The following CEBPZ variants were observed in gnomAD, a reference collection of about 807,000 sequenced individuals.
CEBPZ encodes the protein CCAAT enhancer binding protein zeta, also known as CCAAT/enhancer-binding protein zeta.
In CEBPZ, 78 loss-of-function variants were observed where a neutral mutation model predicts 104.5. That is an observed-to-expected ratio of 0.75 (90% CI 0.62 to 0.90). The LOEUF is 0.90. Ranked by LOEUF, CEBPZ falls within the 40% of genes least tolerant of loss-of-function variation. CEBPZ has a pLI of 0.00. For synonymous variants in CEBPZ, 470 were observed against 427.0 expected, an observed-to-expected ratio of 1.10 and a Z score of -1.24; for missense variants, 1,439 against 1,233.5, an observed-to-expected ratio of 1.17 and a Z score of -2.50.
At chr2:37,213,801 G>A in intron 10 of CEBPZ, 63 bp downstream of exon 10, 2 of 1,092,340 alleles carry the variant, frequency 1.8e-6, no homozygotes, top group Non-Finnish European at 2.7e-6. Context: ...TCCCACTAAT[G>A]TTCCATGGTC....
intron 12 of CEBPZ, 51 bp from the exon 13 acceptor site, chr2:37,211,133 G>GA: frequency 8.4e-7 from 1 of 1,188,954 alleles, no homozygotes; most frequent in Non-Finnish European, 1.2e-6. Context: ...AATAAGACTG[G>GA]AAAATATTAC....
intron 10 of CEBPZ, chr2:37,213,419 G>GT (rs1032800366): frequency 0.014 from 2,078 of 148,030 alleles, 44 homozygotes; most frequent in African/African-American, 0.046. Context: ...TGTTTCTTTT[G>GT]TTTTTTTTTT....
chr2:37,202,110 G>T, intron 15 of CEBPZ: 2 of 331,572 alleles, frequency 6.0e-6, no homozygotes, highest in Non-Finnish European at 1.1e-5. Context: ...ACTAAGGAAG[G>T]AAAAGAAACA....
In CEBPZ at chr2:37,228,125, A is replaced by G. The variant is rs754495990; in HGVS notation, c.1068T>C (p.Asp356=). ...FVQVLETLSH[D]TLVTTKTRAL... ...CTCGAGTTTTAGTGGTTACTAATGTATCATGACTTAAAGTTTCTAAGACCT... is the reference window on the plus strand; with the variant it reads ...CTCGAGTTTTAGTGGTTACTAATGTGTCATGACTTAAAGTTTCTAAGACCT... Residue 356 remains aspartate, a synonymous_variant, in exon 2 of 16, where the codon GAT becomes GAC. Transcript: ENST00000234170. 3 of 1,614,130 alleles carry G rather than the reference A, an allele frequency of 1.9e-6. No homozygotes were observed. Among genetic ancestry groups the G allele is most frequent in the African/African-American group, 1.3e-5 (1 of 74,940 alleles).
In CEBPZ at chr2:37,212,025, C is replaced by T; in HGVS notation, c.2618G>A (p.Arg873Lys). The T allele has an allele frequency of 1.9e-6, 3 of 1,580,486 alleles. No individual in the cohort carries two copies. The highest frequency in any genetic ancestry group is 2.6e-6 in the Non-Finnish European group (3 of 1,170,018). Reference protein sequence around the residue: ...DMDFAGNVKKRTKGAKDNTLD... With the variant: ...DMDFAGNVKKKTKGAKDNTLD... ...TGTGTTATCCTTAGCTCCTTTTGTT[C>T]TCTTTTTCACGTTTCTGGAAAAAAA... is the stretch of plus-strand genomic sequence containing the variant. The change falls in exon 12 of 16, where the codon AGA becomes AAA. Residue 873 changes from arginine (R) to lysine (K), a missense_variant. By Grantham distance (26) the Arg-to-Lys change is conservative. Transcript: ENST00000234170.
intron 13 of CEBPZ, among the ~76,000 whole-genome samples, chr2:37,205,760 T>C (rs573356417): frequency 7.9e-5 from 12 of 152,364 alleles, no homozygotes; most frequent in Admixed American, 2.6e-4. Flanking sequence ...TACATTTTTA[T>C]CAAAAATCTT....
intron 9 of CEBPZ, 57 bp from the exon 10 acceptor site, chr2:37,214,018 T>C (rs1572500876): frequency 1.0e-6 from 1 of 962,886 alleles, no homozygotes; most frequent in Non-Finnish European, 1.5e-6. Context: ...TCTTACTATA[T>C]ATCATCAAAG....
In CEBPZ at chr2:37,216,189, C is replaced by T. The variant is rs1677862496; in HGVS notation, c.2331G>A (p.Val777=). ...TAAAATGTTTTCTTTTCGGCTGCAT[C>T]ACAACACTATCTGTGTTTTCTGAAA... ...HKGKENTDSV[V]MQPKRKHFIK... Residue 777 remains valine, a synonymous_variant, in exon 8 of 16, where the codon GTG becomes GTA. Coordinates refer to ENST00000234170, the MANE Select transcript of CEBPZ (RefSeq NM_005760.3). The T allele has an allele frequency of 1.9e-6, 3 of 1,613,214 alleles. No individual in the cohort carries two copies. The South Asian group carries it at 3.3e-5, about 18-fold the overall frequency.
chr2:37,211,710 C>A, intron 12 of CEBPZ, 133 bp downstream of exon 12: 2 of 634,436 alleles, frequency 3.2e-6, no homozygotes, highest in Non-Finnish European at 5.1e-6. Context: ...GGAAAAGGTC[C>A]TTTTAAGTTT....
Position 37,216,394 on chromosome 2 carries a change from C to T in CEBPZ, c.2233G>A (p.Asp745Asn). The change falls in exon 7 of 16, where the codon GAC becomes AAC. Residue 745 changes from aspartate to asparagine, a missense_variant. Physicochemically the swap from Asp to Asn is conservative, Grantham distance 23. Transcript: ENST00000234170. ...LQGNYIQYSG[D>N]PLQDFTLMRF... is the part of the protein sequence containing the mutation. ...ATTAGAGTGAAATCCTGCAGTGGGT[C>T]CCCTGAATACTGAATATAGTTTCCC... 6.2e-7 allele frequency: 1 copy of T among 1,612,994 alleles called. No homozygotes were observed. The highest frequency in any genetic ancestry group is 8.5e-7 in the Non-Finnish European group (1 of 1,179,514).
intron 4 of CEBPZ, 105 bp downstream of exon 4, chr2:37,222,275 C>A (rs1158280534): frequency 9.7e-7 from 1 of 1,030,760 alleles, no homozygotes; most frequent in South Asian, 1.9e-5. Context: ...CAGAGTGAGA[C>A]TCTGTCTAAA....
At chr2:37,205,187 T>TC (rs1677491391) in intron 13 of CEBPZ, among the ~76,000 whole-genome samples, 1 of 152,196 alleles carries the variant, frequency 6.6e-6, no homozygotes, top group African/African-American at 2.4e-5. Flanking sequence ...GGCGTGAGGC[T>TC]CTGAAAGACT....
Position 37,222,461 on chromosome 2 carries a change from T to C in CEBPZ, c.1984A>G (p.Thr662Ala). 1 of 1,612,046 alleles carries C rather than the reference T, an allele frequency of 6.2e-7. No individual in the cohort carries two copies. Among genetic ancestry groups the C allele is most frequent in the South Asian group, 1.1e-5 (1 of 90,352 alleles). ...TCAGTTTCAGGAACTGTTTCCTCTG[T>C]CTCAAGTTTTTTCACTATCTCTGTT... ...KETEIVKKLE[T>A]EETVPETDVE... Residue 662 changes from threonine to alanine, a missense_variant, in exon 4 of 16, where the codon ACA becomes GCA. By Grantham distance (58) the Thr-to-Ala change is moderately conservative (BLOSUM62 0). Transcript: ENST00000234170.
At chr2:37,214,104 A>T in intron 9 of CEBPZ, 143 bp from the exon 10 acceptor site, 1 of 483,382 alleles carries the variant, frequency 2.1e-6, no homozygotes, top group Non-Finnish European at 3.6e-6. Context: ...TGAAATTTGT[A>T]TCTAATATAC....
intron 6 of CEBPZ, 88 bp from the exon 7 acceptor site, chr2:37,216,506 T>C (rs1037870438): frequency 2.2e-6 from 2 of 903,830 alleles, no homozygotes; most frequent in Admixed American, 2.2e-5. Flanking sequence ...ATAATTTCTA[T>C]TACACTGTAT....
rs1378250488 is a variant in CEBPZ, at chr2:37,213,858, A to G, written c.2545+6T>C. 4.4e-6 allele frequency: 7 copies of G among 1,586,074 alleles called. No homozygotes were observed. The stretch of plus-strand genomic sequence containing the variant: ...TATTTTACAAAGAGTCAACAAAACA[A>G]ATTACCAATCAGCTCTTCAAATTCT... On this transcript the variant is annotated splice_donor_region_variant and intron_variant, in intron 10 of 15. Transcript: ENST00000234170.
Position 37,228,084 on chromosome 2 carries a change from T to A in CEBPZ, c.1109A>T (p.His370Leu), listed in dbSNP as rs756730859. The change falls in exon 2 of 16, where the codon CAT (histidine) becomes CTT (leucine). Residue 370 changes from histidine (H) to leucine (L), a missense_variant. By Grantham distance (99) the His-to-Leu change is moderately conservative. Transcript: ENST00000234170. ...TTKTRALTVA[H>L]ELLCNKPEEE... ...CTCAGGCTTGTTACAAAGCAGCTCA[T>A]GAGCCACGGTAAGGGCTCGAGTTTT... 6.2e-7 allele frequency: 1 copy of A among 1,614,136 alleles called. No individual in the cohort carries two copies. The highest frequency in any genetic ancestry group is 1.3e-5 in the African/African-American group (1 of 74,944).
At chr2:37,222,652 T>G (rs1664800174) in intron 3 of CEBPZ, 89 bp from the exon 4 acceptor site, 1 of 858,868 alleles carries the variant, frequency 1.2e-6, no homozygotes. Context: ...AGAGTTTTAC[T>G]TATTGCAACT....
chr2:37,209,445 C>G (rs1677647612), intron 13 of CEBPZ: 1 of 152,128 alleles, frequency 6.6e-6, no homozygotes, highest in Non-Finnish European at 1.5e-5. Context: ...CAAAAACAGG[C>G]ACGTAGACCA....
Sources: gnomAD v4.1 joint callset for allele counts (sites outside exome capture counted in the v4.1 genomes callset) on GRCh38, gnomAD v4.1.1 for gene constraint, MANE v1.5 for transcripts, NCBI Gene and HGNC (gene_info 2026-07-23, HGNC 2026-07-21) for gene names.